Variants in MTCL1 observed in about 807,000 individuals in gnomAD.
The protein encoded by MTCL1 is microtubule crosslinking factor 1.
MTCL1 carries 79 observed loss-of-function variants against 141.4 expected under a neutral mutation model. The observed-to-expected ratio is 0.56, with a 90% CI of 0.47 to 0.67. MTCL1 has a LOEUF of 0.67. Among genes scored for constraint, MTCL1 ranks in the 30% least tolerant of loss-of-function variants. The pLI is 0.00. For synonymous variants in MTCL1, 914 were observed against 875.8 expected, an observed-to-expected ratio of 1.04 and a Z score of -0.77; for missense variants, 2,177 against 2,113.9, an observed-to-expected ratio of 1.03 and a Z score of -0.59.
At chr18:8,748,985 G>A (rs117985574) in intron 4 of MTCL1, among the ~76,000 whole-genome samples, 3,198 of 152,272 alleles carry the variant, frequency 0.021, 60 homozygotes, top group South Asian at 0.075. Context: ...CACTCTGCTA[G>A]CACATGATGC....
chr18:8,813,604 T>A (rs1395033688), intron 12 of MTCL1, among the ~76,000 whole-genome samples: 2 of 152,178 alleles, frequency 1.3e-5, no homozygotes, highest in Non-Finnish European at 2.9e-5. Context: ...AACTTTTAAG[T>A]TTGCCACTAA....
chr18:8,788,350 CA>C (rs1396780488), intron 7 of MTCL1, among the ~76,000 whole-genome samples: 4 of 152,212 alleles, frequency 2.6e-5, no homozygotes, highest in African/African-American at 9.6e-5. Context: ...CGTAGCTCCT[CA>C]GGGGTGTGGG....
chr18:8,756,395 A>G (rs546556142), intron 4 of MTCL1, among the ~76,000 whole-genome samples: 6 of 148,160 alleles, frequency 4.0e-5, no homozygotes, highest in African/African-American at 9.8e-5. Flanking sequence ...ATGTGTATAT[A>G]TGTATATATG....
At chr18:8,808,249 A>G (rs1221042135) in intron 11 of MTCL1, among the ~76,000 whole-genome samples, 1 of 152,196 alleles carries the variant, frequency 6.6e-6, no homozygotes, top group Non-Finnish European at 1.5e-5. Context: ...TCAGCAGCGG[A>G]GGAGAAATGA....
Position 8,786,110 on chromosome 18 carries a change from T to TCCCCCCCCCCCCAA in MTCL1, c.1887+30_1887+31insCAACCCCCCCCCCC. 1 of 1,310,348 alleles carries TCCCCCCCCCCCCAA rather than the reference T, an allele frequency of 7.6e-7. No homozygotes were observed. The highest frequency in any genetic ancestry group is 1.0e-6 in the Non-Finnish European group (1 of 990,148). The allele number at this position is 1,310,348 out of a possible 1,614,324, so 81.2% of individuals were successfully genotyped here. ...CCTGGAGGTCAGCGTGGGCAAGCAATCCCCCCCCCCCGCCCTCCCCCTCCT... is the reference window on the plus strand; with the variant it reads ...CCTGGAGGTCAGCGTGGGCAAGCAATCCCCCCCCCCCCAACCCCCCCCCCCGCCCTCCCCCTCCT... On this transcript the variant is annotated intron_variant, in intron 7 of 16. Coordinates refer to ENST00000359865, the Ensembl canonical transcript of MTCL1.
chr18:8,756,759 G>A (rs1263461819), intron 4 of MTCL1, among the ~76,000 whole-genome samples: 1 of 152,166 alleles, frequency 6.6e-6, no homozygotes, highest in Non-Finnish European at 1.5e-5. Flanking sequence ...CTGGGATGTG[G>A]CCAAACCGCA....
chr18:8,782,362 T>C (rs1226251202), intron 5 of MTCL1: 2 of 152,216 alleles, frequency 1.3e-5, no homozygotes, highest in African/African-American at 4.8e-5. Context: ...TGATGGCCGA[T>C]CAAAGAGGAG....
intron 4 of MTCL1, among the ~76,000 whole-genome samples, chr18:8,731,584 A>G (rs2096251002): frequency 6.6e-6 from 1 of 152,222 alleles, no homozygotes; most frequent in Non-Finnish European, 1.5e-5. Context: ...CAAGAAAAAA[A>G]ATAATAATTA....
chr18:8,706,741 C>T, intron 1 of MTCL1, 28 bp downstream of exon 1: 2 of 1,542,368 alleles, frequency 1.3e-6, no homozygotes, highest in South Asian at 1.2e-5. Flanking sequence ...CGCAGGTGTC[C>T]CGGGGCGCCC....
chr18:8,709,454 A>G (rs1598345801), intron 1 of MTCL1, among the ~76,000 whole-genome samples: 1 of 152,056 alleles, frequency 6.6e-6, no homozygotes, highest in African/African-American at 2.4e-5. Flanking sequence ...TTGCCCTCCC[A>G]AAGTGCTAGG....
At chr18:8,739,737 G>A (rs963026000) in intron 4 of MTCL1, among the ~76,000 whole-genome samples, 11 of 344 alleles carry the variant, frequency 0.032, no homozygotes, top group Non-Finnish European at 0.046. Context: ...TTGTTTGTTC[G>A]TTTGTTTTTT....
At chr18:8,772,897 T>C (rs975673403) in intron 4 of MTCL1, among the ~76,000 whole-genome samples, 8 of 152,034 alleles carry the variant, frequency 5.3e-5, no homozygotes, top group Non-Finnish European at 1.0e-4. Flanking sequence ...GCATAGCTTT[T>C]AGGGATGCTA....
At chr18:8,823,325 A>G (rs2076909521) in intron 14 of MTCL1, among the ~76,000 whole-genome samples, 1 of 152,196 alleles carries the variant, frequency 6.6e-6, no homozygotes, top group African/African-American at 2.4e-5. Context: ...CCACCCAGGT[A>G]GGTGCCACTG....
intron 11 of MTCL1, among the ~76,000 whole-genome samples, chr18:8,807,571 G>A (rs1307636095): frequency 1.3e-5 from 2 of 152,196 alleles, no homozygotes; most frequent in African/African-American, 4.8e-5. Context: ...AGAAGAAACA[G>A]CTCAGCTCAG....
At chr18:8,811,837 T>G (rs2076497997) in intron 11 of MTCL1, among the ~76,000 whole-genome samples, 1 of 152,204 alleles carries the variant, frequency 6.6e-6, no homozygotes, top group Non-Finnish European at 1.5e-5. Flanking sequence ...TTTGTTAAAA[T>G]TGTGCACTTA....
At chr18:8,706,805 C>A in intron 1 of MTCL1, 92 bp downstream of exon 1, 1 of 1,509,392 alleles carries the variant, frequency 6.6e-7, no homozygotes, top group Middle Eastern at 2.3e-4. Context: ...CCGGGCCTGT[C>A]CAGCGCCTTC....
chr18:8,744,288 T>A (rs1355796056), intron 4 of MTCL1, among the ~76,000 whole-genome samples: 1 of 152,234 alleles, frequency 6.6e-6, no homozygotes, highest in African/African-American at 2.4e-5. Context: ...CCCATTCTGC[T>A]CACTCACATT....
At chr18:8,774,482 C>T (rs1245363837) in intron 4 of MTCL1, among the ~76,000 whole-genome samples, 1 of 151,062 alleles carries the variant, frequency 6.6e-6, no homozygotes, top group Non-Finnish European at 1.5e-5. Context: ...TTTTCTTTTT[C>T]TTTCTTTCCT....
At chr18:8,784,344 C>G in exon 6 of MTCL1, 5 of 1,543,336 alleles carry the variant, frequency 3.2e-6, no homozygotes, top group Non-Finnish European at 4.4e-6. Context: ...CGGGAAGGGC[C>G]TGTTGGCGGG....
Sources: gnomAD v4.1 joint callset for allele counts (sites outside exome capture counted in the v4.1 genomes callset) on GRCh38, gnomAD v4.1.1 for gene constraint, MANE v1.5 for transcripts, NCBI Gene and HGNC (gene_info 2026-07-23, HGNC 2026-07-21) for gene names.